FBXO21: variants seen among roughly 807,000 people sequenced by gnomAD.
FBXO21 encodes F-box only protein 21.
A neutral mutation model predicts 76.6 loss-of-function variants in FBXO21; 32 were observed. The observed-to-expected ratio is 0.42, with a 90% CI of 0.32 to 0.56. FBXO21 has a LOEUF of 0.56. Ranked by LOEUF, FBXO21 falls within the 20% of genes least tolerant of loss-of-function variation. FBXO21 has a pLI of 0.16. For missense variants in FBXO21, 586 were observed against 797.3 expected, an observed-to-expected ratio of 0.73 and a Z score of 3.19; for synonymous variants, 328 against 311.5, an observed-to-expected ratio of 1.05 and a Z score of -0.56.
intron 1 of FBXO21, 111 bp from the exon 2 acceptor site, chr12:117,189,473 G>T: frequency 8.6e-7 from 1 of 1,159,096 alleles, no homozygotes; most frequent in South Asian, 1.3e-5. Flanking sequence ...TGGTAAGAGG[G>T]ACCCCGGCGA....
At chr12:117,181,843 G>A (rs952507229) in intron 3 of FBXO21, among the ~76,000 whole-genome samples, 16 of 152,050 alleles carry the variant, frequency 1.1e-4, no homozygotes, top group African/African-American at 2.4e-4. Flanking sequence ...TAGAGACGGC[G>A]TTTCTCCATG....
chr12:117,174,004 G>A (rs1299566048), intron 6 of FBXO21, among the ~76,000 whole-genome samples: 1 of 152,136 alleles, frequency 6.6e-6, no homozygotes, highest in African/African-American at 2.4e-5. Flanking sequence ...TTAGCCGGGT[G>A]TGGTGGCATG....
chr12:117,155,912 G>A lies in FBXO21; in HGVS notation c.1554C>T (p.Pro518=). Reference sequence around the variant, plus strand: ...TCCACTCGTGTCCCATCATGCAGGTGGGGTCCCAGCCGTAGATCACACAGT... The same window carrying A: ...TCCACTCGTGTCCCATCATGCAGGTAGGGTCCCAGCCGTAGATCACACAGT... ...GYNCVIYGWD[P]TCMMGHEWIR... The change falls in exon 11 of 12, where the codon CCC becomes CCT. Residue 518 remains proline (P), a synonymous_variant. Coordinates refer to ENST00000622495, the MANE Select transcript of FBXO21 (RefSeq NM_015002.3). 6.2e-7 allele frequency: 1 copy of A among 1,614,168 alleles called. No homozygotes were observed. Among genetic ancestry groups the A allele is most frequent in the South Asian group, 1.1e-5 (1 of 91,078 alleles).
At chr12:117,158,966 T>C (rs1049883747) in intron 9 of FBXO21, among the ~76,000 whole-genome samples, 3 of 152,246 alleles carry the variant, frequency 2.0e-5, no homozygotes, top group African/African-American at 7.2e-5. Flanking sequence ...AGTCCTGGAT[T>C]ACAGCCTGCT....
At chr12:117,159,199 C>T (rs1158029191) in intron 9 of FBXO21, among the ~76,000 whole-genome samples, 1 of 152,058 alleles carries the variant, frequency 6.6e-6, no homozygotes, top group Non-Finnish European at 1.5e-5. Flanking sequence ...ATTTACTGAA[C>T]ACTATTCTCT....
chr12:117,181,308 G>C (rs1956228425), intron 3 of FBXO21, among the ~76,000 whole-genome samples: 1 of 152,144 alleles, frequency 6.6e-6, no homozygotes, highest in African/African-American at 2.4e-5. Flanking sequence ...CATTTCCTTA[G>C]ATCATTGAGT....
chr12:117,181,045 C>T (rs1956224189), intron 3 of FBXO21, among the ~76,000 whole-genome samples: 1 of 152,182 alleles, frequency 6.6e-6, no homozygotes, highest in South Asian at 2.1e-4. Context: ...ATATTTTCTC[C>T]CCTAGAGCCC....
intron 9 of FBXO21, among the ~76,000 whole-genome samples, chr12:117,164,723 G>A (rs1484800602): frequency 6.6e-6 from 1 of 152,204 alleles, no homozygotes; most frequent in Non-Finnish European, 1.5e-5. Flanking sequence ...TTTCAAGGAA[G>A]ATTTTACCCC....
At chr12:117,165,675 C>CT in intron 8 of FBXO21, 58 bp from the exon 9 acceptor site, 2 of 1,490,080 alleles carry the variant, frequency 1.3e-6, no homozygotes, top group Non-Finnish European at 1.8e-6. Flanking sequence ...CAAAGACTCT[C>CT]TTTTTCAAGG....
At chr12:117,152,172 T>C (rs921313741) in intron 11 of FBXO21, among the ~76,000 whole-genome samples, 2 of 152,120 alleles carry the variant, frequency 1.3e-5, no homozygotes, top group Admixed American at 1.3e-4. Flanking sequence ...TGTTATACAA[T>C]TTACAAGACA....
intron 9 of FBXO21, among the ~76,000 whole-genome samples, chr12:117,161,126 C>A (rs992361522): frequency 1.3e-5 from 2 of 152,028 alleles, no homozygotes; most frequent in Non-Finnish European, 2.9e-5. Context: ...AGGGCAAGCA[C>A]AGGAACGACG....
At chr12:117,166,075 A>G (rs1956050129) in intron 8 of FBXO21, among the ~76,000 whole-genome samples, 1 of 152,038 alleles carries the variant, frequency 6.6e-6, no homozygotes, top group Non-Finnish European at 1.5e-5. Flanking sequence ...CTGTAATCCC[A>G]GCTACTCAGG....
At chr12:117,154,978 A>C (rs1955893609) in intron 11 of FBXO21, 2 of 152,234 alleles carry the variant, frequency 1.3e-5, no homozygotes, top group Non-Finnish European at 1.5e-5. Context: ...CTCACCTAGA[A>C]AATGATGATG....
At chr12:117,182,344 G>C (rs1956242561) in intron 3 of FBXO21, among the ~76,000 whole-genome samples, 1 of 152,072 alleles carries the variant, frequency 6.6e-6, no homozygotes, top group African/African-American at 2.4e-5. Flanking sequence ...ATAAAAATTA[G>C]CCAGGCATGA....
rs1435689233 is a variant in FBXO21, at chr12:117,174,690, C to T, written c.700G>A (p.Gly234Ser). The change falls in exon 5 of 12, where the codon GGC becomes AGC. Residue 234 changes from glycine to serine, a missense_variant. Physicochemically the swap from Gly to Ser is moderately conservative, Grantham distance 56 (BLOSUM62 0). Transcript: ENST00000622495. ...IVELVCKTLR[G>S]INSRHPSLAF... ...AAGCTGGGGTGGCGACTGTTTATGC[C>T]CCGAAGGGTTTTGCAAACAAGCTCC... 1 of 1,614,134 alleles carries T rather than the reference C, an allele frequency of 6.2e-7. No homozygotes were observed. Among genetic ancestry groups the T allele is most frequent in the Non-Finnish European group, 8.5e-7 (1 of 1,180,040 alleles).
At chr12:117,182,771 C>G (rs1367131552) in intron 3 of FBXO21, among the ~76,000 whole-genome samples, 2 of 151,716 alleles carry the variant, frequency 1.3e-5, no homozygotes, top group Non-Finnish European at 2.9e-5. Flanking sequence ...CCATGTTGGA[C>G]AGGCTGGTCT....
chr12:117,164,594 A>C (rs192418600), intron 9 of FBXO21, among the ~76,000 whole-genome samples: 5 of 152,264 alleles, frequency 3.3e-5, no homozygotes, highest in Admixed American at 2.6e-4. Flanking sequence ...TTCTTAAAAC[A>C]GGAGCCTTGG....
At chr12:117,152,943 AAAG>A (rs1441086349) in intron 11 of FBXO21, among the ~76,000 whole-genome samples, 1 of 152,132 alleles carries the variant, frequency 6.6e-6, no homozygotes, top group East Asian at 1.9e-4. Context: ...TGATGACTTC[AAAG>A]AAGATGAACG....
At chr12:117,153,409 TG>T (rs1955869094) in intron 11 of FBXO21, among the ~76,000 whole-genome samples, 1 of 152,086 alleles carries the variant, frequency 6.6e-6, no homozygotes, top group Non-Finnish European at 1.5e-5. Context: ...GTTAAAACAA[TG>T]GGTTCAGTGA....
Sources: gnomAD v4.1 joint callset for allele counts (sites outside exome capture counted in the v4.1 genomes callset) on GRCh38, gnomAD v4.1.1 for gene constraint, MANE v1.5 for transcripts, NCBI Gene and HGNC (gene_info 2026-07-23, HGNC 2026-07-21) for gene names.